VEZT: variants seen among roughly 807,000 people sequenced by gnomAD.
VEZT encodes vezatin, adherens junctions transmembrane protein, also known as vezatin.
VEZT carries 39 observed loss-of-function variants against 79.9 expected under a neutral mutation model. The observed-to-expected ratio is 0.49, with a 90% CI of 0.38 to 0.64. The LOEUF is 0.64. Among genes scored for constraint, VEZT ranks in the 30% least tolerant of loss-of-function variants. The pLI, the probability that VEZT is intolerant of heterozygous loss-of-function variation, is 0.00. For synonymous variants in VEZT, 325 were observed against 327.6 expected, an observed-to-expected ratio of 0.99 and a Z score of 0.09; for missense variants, 837 against 893.1, an observed-to-expected ratio of 0.94 and a Z score of 0.80.
At chr12:95,278,415 C>T (rs1426482605) in intron 7 of VEZT, among the ~76,000 whole-genome samples, 3 of 152,164 alleles carry the variant, frequency 2.0e-5, no homozygotes, top group African/African-American at 7.2e-5. Context: ...GATTGTGTTA[C>T]AGTTACCACA....
At chr12:95,282,178 T>A (rs2069324541) in intron 7 of VEZT, 135 bp from the exon 8 acceptor site, 4 of 769,696 alleles carry the variant, frequency 5.2e-6, no homozygotes, top group Non-Finnish European at 6.0e-6. Flanking sequence ...TAAGGTAGTT[T>A]AAGTTCGGCT....
At position 95,296,264 on chromosome 12, in the gene VEZT, C is replaced by T; in HGVS notation, c.1831+6C>T. 1 of 1,569,008 alleles carries T rather than the reference C, an allele frequency of 6.4e-7. No homozygotes were observed. The highest frequency in any genetic ancestry group is 8.6e-7 in the Non-Finnish European group (1 of 1,156,798). ...ACTTCTATTTAGTGATCATGGTAAG[C>T]ACTGACTTTAAAGTAACAGGTTATT... On this transcript the variant is annotated splice_donor_region_variant and intron_variant, in intron 11 of 11. Transcript: ENST00000436874.
chr12:95,254,339 C>CTTTT (rs34968028), intron 2 of VEZT, among the ~76,000 whole-genome samples: 120 of 69,428 alleles, frequency 1.7e-3, no homozygotes, highest in East Asian at 2.5e-3. Context: ...AAACGAAGTT[C>CTTTT]TTTTTTTTTT....
At chr12:95,243,916 T>A (rs1399301744) in intron 1 of VEZT, 2 of 455,606 alleles carry the variant, frequency 4.4e-6, no homozygotes, top group Non-Finnish European at 8.8e-6. Context: ...ACTCCCGCTT[T>A]GACCTTCTAC....
At chr12:95,295,950 C>T in intron 10 of VEZT, 101 bp from the exon 11 acceptor site, 2 of 893,714 alleles carry the variant, frequency 2.2e-6, no homozygotes, top group Non-Finnish European at 1.6e-6. Context: ...AATGCAAGTC[C>T]TTTTTTTTTA....
chr12:95,274,762 G>T lies in VEZT; in HGVS notation c.869G>T (p.Ser290Ile), dbSNP rs1337214463. The T allele has an allele frequency of 4.3e-6, 7 of 1,612,994 alleles. No individual in the cohort carries two copies. The highest frequency in any genetic ancestry group is 3.3e-4 in the Middle Eastern group (2 of 6,060). The change falls in exon 7 of 12, where the codon AGT (serine) becomes ATT (isoleucine). Residue 290 changes from serine (S) to isoleucine (I), a missense_variant. Coordinates refer to ENST00000436874, the MANE Select transcript of VEZT (RefSeq NM_017599.4). ...MLKNYPLNSE[S>I]DNVTNYICVV... The stretch of plus-strand genomic sequence containing the variant: ...TTAACCTACCCCCTGAACTCTGAGA[G>T]TGACAATGTAACCAACTACATCTGT...
At chr12:95,241,496 G>T (rs1242032516) in intron 1 of VEZT, among the ~76,000 whole-genome samples, 1 of 151,994 alleles carries the variant, frequency 6.6e-6, no homozygotes, top group East Asian at 1.9e-4. Flanking sequence ...GTAGAGACAA[G>T]GTCTTGCTTT....
At chr12:95,228,042 T>C (rs1406716926) in intron 1 of VEZT, among the ~76,000 whole-genome samples, 1 of 152,236 alleles carries the variant, frequency 6.6e-6, no homozygotes, top group African/African-American at 2.4e-5. Flanking sequence ...CTTCCTCTTT[T>C]CTTTTCTTCC....
At chr12:95,293,260 T>A (rs1417872822) in intron 9 of VEZT, among the ~76,000 whole-genome samples, 1 of 152,242 alleles carries the variant, frequency 6.6e-6, no homozygotes, top group Non-Finnish European at 1.5e-5. Flanking sequence ...TAGTGCTTCC[T>A]ATTAATTTAT....
intron 9 of VEZT, among the ~76,000 whole-genome samples, chr12:95,292,578 G>A (rs1476690931): frequency 1.4e-5 from 2 of 139,814 alleles, no homozygotes; most frequent in Non-Finnish European, 3.0e-5. Flanking sequence ...AGACAAAGTC[G>A]CACTCTGTCG....
chr12:95,269,887 T>A (rs1323043842), intron 5 of VEZT, 164 bp from the exon 6 acceptor site: 2 of 700,788 alleles, frequency 2.9e-6, no homozygotes, highest in Non-Finnish European at 4.5e-6. Flanking sequence ...CAGAAATGAC[T>A]ATTTTATGAG....
intron 10 of VEZT, among the ~76,000 whole-genome samples, chr12:95,294,933 G>A (rs2073816205): frequency 6.6e-6 from 1 of 152,044 alleles, no homozygotes; most frequent in Admixed American, 6.6e-5. Context: ...AAACTTTTAG[G>A]TAGCTTACAG....
intron 11 of VEZT, among the ~76,000 whole-genome samples, chr12:95,298,126 T>TAATAAG (rs2074558397): frequency 6.7e-6 from 1 of 148,958 alleles, no homozygotes; most frequent in Non-Finnish European, 1.5e-5. Context: ...TCTCAAAAAA[T>TAATAAG]AATAATAATA....
chr12:95,297,278 G>A (rs954921136), intron 11 of VEZT, among the ~76,000 whole-genome samples: 2 of 152,224 alleles, frequency 1.3e-5, no homozygotes, highest in African/African-American at 2.4e-5. Context: ...AGTAGGTAGA[G>A]TGTGGATTCT....
intron 9 of VEZT, chr12:95,293,963 A>T (rs995733286): frequency 1.8e-5 from 5 of 279,038 alleles, no homozygotes; most frequent in Non-Finnish European, 2.8e-5. Flanking sequence ...ATCACTGCTC[A>T]CTGTAGTCTT....
At chr12:95,265,352 T>C (rs1381253684) in intron 4 of VEZT, among the ~76,000 whole-genome samples, 2 of 151,700 alleles carry the variant, frequency 1.3e-5, no homozygotes, top group Non-Finnish European at 1.5e-5. Flanking sequence ...AAATTGATGA[T>C]GATTATTTAA....
intron 1 of VEZT, chr12:95,224,267 C>T (rs1482453315): frequency 2.2e-6 from 1 of 455,820 alleles, no homozygotes; most frequent in Non-Finnish European, 4.4e-6. Context: ...AATTCTTTCC[C>T]TCTACGGCTA....
chr12:95,221,198 A>T (rs1004012479), intron 1 of VEZT, among the ~76,000 whole-genome samples: 9 of 152,184 alleles, frequency 5.9e-5, no homozygotes, highest in African/African-American at 2.2e-4. Flanking sequence ...GCTGATTTGA[A>T]GGAATTATTT....
intron 1 of VEZT, among the ~76,000 whole-genome samples, chr12:95,232,087 T>A (rs2059349301): frequency 6.6e-6 from 1 of 152,184 alleles, no homozygotes; most frequent in Non-Finnish European, 1.5e-5. Flanking sequence ...TCCTTTTTAG[T>A]GGTATTTTCC....
Sources: allele counts gnomAD v4.1 joint callset (sites outside exome capture counted in the v4.1 genomes callset), GRCh38; gene constraint gnomAD v4.1.1; transcripts MANE v1.5; gene names NCBI Gene and HGNC (gene_info 2026-07-23, HGNC 2026-07-21).